The following ADAMTSL1 variants were observed in gnomAD, a reference collection of about 807,000 sequenced individuals.
ADAMTSL1 encodes the protein ADAMTS like 1.
Under a neutral mutation model 201.8 loss-of-function variants are expected in ADAMTSL1, and 126 were observed. The ratio of observed to expected loss-of-function variants is 0.62; its 90% CI spans 0.54 to 0.72. ADAMTSL1 has a LOEUF of 0.72. Among genes scored for constraint, ADAMTSL1 ranks in the 30% least tolerant of loss-of-function variants. The probability of loss-of-function intolerance (pLI) is 0.00; values close to 1 mark genes in which losing one functional copy is unlikely to be tolerated. For synonymous variants in ADAMTSL1, 1,121 were observed against 903.4 expected (o/e 1.24, Z -4.32); for missense variants, 2,679 against 2,277.8 (o/e 1.18, Z -3.59).
intron 15 of ADAMTSL1, among the ~76,000 whole-genome samples, chr9:18,735,570 T>C (rs1323646580): frequency 6.6e-6 from 1 of 152,110 alleles, no homozygotes; most frequent in Non-Finnish European, 1.5e-5. Flanking sequence ...ATTCAAGTTG[T>C]TTTGAAGTTT....
chr9:18,164,506 T>C (rs1827546822), intron 2 of ADAMTSL1, among the ~76,000 whole-genome samples: 1 of 151,798 alleles, frequency 6.6e-6, no homozygotes, highest in African/African-American at 2.4e-5. Flanking sequence ...AATAGTACAG[T>C]TGACTGGAGA....
chr9:18,654,935 G>A (rs527768600), intron 7 of ADAMTSL1, among the ~76,000 whole-genome samples: 25 of 152,350 alleles, frequency 1.6e-4, no homozygotes, highest in African/African-American at 5.8e-4. Flanking sequence ...ATACACAGTA[G>A]TGGTTCACCT....
At chr9:18,675,353 C>G (rs1360566) in intron 9 of ADAMTSL1, among the ~76,000 whole-genome samples, 31,414 of 152,036 alleles carry the variant, frequency 0.21, 3,393 homozygotes, top group African/African-American at 0.25. Flanking sequence ...CTAGATCTGC[C>G]AAGAGAAGAA....
chr9:18,796,746 A>G (rs907585569), intron 20 of ADAMTSL1: 1 of 152,136 alleles, frequency 6.6e-6, no homozygotes, highest in African/African-American at 2.4e-5. Context: ...TGAATAAAAC[A>G]TTTGCTTTTC....
At chr9:18,538,240 T>C (rs1381469883) in intron 3 of ADAMTSL1, among the ~76,000 whole-genome samples, 1 of 152,060 alleles carries the variant, frequency 6.6e-6, no homozygotes, top group Non-Finnish European at 1.5e-5. Flanking sequence ...GTTCTAGAGA[T>C]AGAATGGCTT....
intron 20 of ADAMTSL1, among the ~76,000 whole-genome samples, chr9:18,809,075 C>G (rs1192384801): frequency 6.6e-6 from 1 of 152,184 alleles, no homozygotes; most frequent in African/African-American, 2.4e-5. Flanking sequence ...GAGATGTGAT[C>G]TCTGATGTTA....
At chr9:18,811,012 CAA>C (rs76456235) in intron 20 of ADAMTSL1, among the ~76,000 whole-genome samples, 3 of 38,796 alleles carry the variant, frequency 7.7e-5, no homozygotes, top group South Asian at 1.3e-3. Flanking sequence ...CAATGAGTAC[CAA>C]AAAAAAAAAA....
chr9:18,896,345 T>G (rs1048382013), intron 26 of ADAMTSL1, among the ~76,000 whole-genome samples: 1 of 152,048 alleles, frequency 6.6e-6, no homozygotes, highest in Non-Finnish European at 1.5e-5. Flanking sequence ...TACAAGAAAT[T>G]CTCAATAACT....
intron 23 of ADAMTSL1, among the ~76,000 whole-genome samples, chr9:18,852,418 C>A (rs997977114): frequency 1.6e-4 from 25 of 152,140 alleles, no homozygotes; most frequent in African/African-American, 5.8e-4. Flanking sequence ...TTGCCCCTGG[C>A]CACTGGAAGT....
intron 1 of ADAMTSL1, among the ~76,000 whole-genome samples, chr9:17,991,878 G>A (rs1588536510): frequency 6.6e-6 from 1 of 152,202 alleles, no homozygotes; most frequent in African/African-American, 2.4e-5. Flanking sequence ...GCTTCCTTGG[G>A]AACATGAGAC....
At chr9:18,411,290 A>G (rs1389922456) in intron 2 of ADAMTSL1, among the ~76,000 whole-genome samples, 3 of 151,772 alleles carry the variant, frequency 2.0e-5, no homozygotes, top group African/African-American at 7.3e-5. Context: ...TTCACATCCC[A>G]GACTCAAACG....
rs1235974655 is a variant in ADAMTSL1 at position 18,859,252 on chromosome 9, C to T, written c.4250-28579C>T. 2.6e-5 allele frequency among the ~76,000 whole-genome samples: 4 copies of T among 152,144 alleles called. No homozygotes were observed. The South Asian group carries it at 6.2e-4, about 24-fold the overall frequency. ...TGGAGGCTCTACGGGGAAATATATT[C>T]GTCTTTTCCAGCTCCTCAAAGCCAC... On this transcript the variant is annotated intron_variant, in intron 23 of 28. Transcript: ENST00000380548.
chr9:18,145,067 C>T (rs1826576288), intron 1 of ADAMTSL1, among the ~76,000 whole-genome samples: 1 of 152,094 alleles, frequency 6.6e-6, no homozygotes, highest in Non-Finnish European at 1.5e-5. Flanking sequence ...TAAGGGTCTA[C>T]AACAATGATA....
chr9:18,533,315 G>C, intron 3 of ADAMTSL1, 23 bp downstream of exon 3: 4 of 1,594,048 alleles, frequency 2.5e-6, no homozygotes, highest in Non-Finnish European at 2.6e-6. Flanking sequence ...TTCTGAGATT[G>C]TAATCATGTA....
chr9:18,342,002 C>G (rs897823027), intron 2 of ADAMTSL1, among the ~76,000 whole-genome samples: 1 of 152,144 alleles, frequency 6.6e-6, no homozygotes, highest in Non-Finnish European at 1.5e-5. Flanking sequence ...ATGCCGTATT[C>G]TGTCTGTACT....
chr9:18,405,280 G>A (rs528147023), intron 2 of ADAMTSL1, among the ~76,000 whole-genome samples: 20 of 152,210 alleles, frequency 1.3e-4, no homozygotes, highest in Admixed American at 9.2e-4. Context: ...CAGCATCTAC[G>A]CCTCACCCTC....
chr9:18,864,876 A>AC (rs1827410586), intron 23 of ADAMTSL1, among the ~76,000 whole-genome samples: 2 of 151,450 alleles, frequency 1.3e-5, no homozygotes, highest in South Asian at 4.2e-4. Flanking sequence ...AATGAGGGGA[A>AC]CCCCCTGGTC....
intron 23 of ADAMTSL1, among the ~76,000 whole-genome samples, chr9:18,855,708 T>G (rs1222520648): frequency 1.3e-5 from 2 of 152,226 alleles, no homozygotes; most frequent in African/African-American, 4.8e-5. Context: ...ATTATGGAAT[T>G]CTTCGTTTCT....
chr9:18,161,369 T>C (rs1011211261), intron 1 of ADAMTSL1, among the ~76,000 whole-genome samples: 7 of 152,092 alleles, frequency 4.6e-5, no homozygotes, highest in African/African-American at 1.7e-4. Context: ...TCATTAGGCT[T>C]CTTTTCAAAT....
Sources: gnomAD v4.1 joint callset for allele counts (sites outside exome capture counted in the v4.1 genomes callset) on GRCh38, gnomAD v4.1.1 for gene constraint, MANE v1.5 for transcripts, NCBI Gene and HGNC (gene_info 2026-07-23, HGNC 2026-07-21) for gene names.